ANO4: variants seen among roughly 807,000 people sequenced by gnomAD.
The protein encoded by ANO4 is anoctamin 4.
A neutral mutation model predicts 141.9 loss-of-function variants in ANO4; 69 were observed. The ratio of observed to expected loss-of-function variants is 0.49; its 90% CI spans 0.40 to 0.59. The LOEUF is 0.59. ANO4 is among the 20% of genes least tolerant of loss of function. The pLI is 0.00. For synonymous variants in ANO4, 350 were observed against 394.3 expected, an observed-to-expected ratio of 0.89 and a Z score of 1.33; for missense variants, 894 against 1,162.2, an observed-to-expected ratio of 0.77 and a Z score of 3.36.
intron 1 of ANO4, among the ~76,000 whole-genome samples, chr12:100,867,825 T>G (rs1345824936): frequency 6.6e-6 from 1 of 152,226 alleles, no homozygotes; most frequent in Admixed American, 6.5e-5. Context: ...GTGGCTTTGT[T>G]CTTAGTTTAT....
At chr12:100,953,775 C>T (rs1424754788) in intron 5 of ANO4, among the ~76,000 whole-genome samples, 3 of 152,184 alleles carry the variant, frequency 2.0e-5, no homozygotes, top group Non-Finnish European at 4.4e-5. Flanking sequence ...AAACCCAACT[C>T]TCTAAAGCAT....
In ANO4 at chr12:100,724,731, T is replaced by A. The variant is rs141451724; in HGVS notation, c.22+7184T>A. 5.5e-4 allele frequency among the ~76,000 whole-genome samples: 84 copies of A among 152,188 alleles called. No individual in the cohort carries two copies. The East Asian group carries it at 0.013, about 24-fold the overall frequency. On this transcript the variant is annotated intron_variant, in intron 1 of 29. Transcript: ENST00000644049. ...CTATATGTTTTTTGAATGGATGAAT[T>A]TCAGTCACAACAAAAAGAAAGTCCA...
intron 9 of ANO4, 24 bp downstream of exon 9, chr12:101,020,164 A>T: frequency 8.1e-6 from 12 of 1,489,460 alleles, no homozygotes; most frequent in Non-Finnish European, 1.1e-5. Flanking sequence ...TAGTATAACA[A>T]ACTACATTTG....
At chr12:100,941,557 C>G (rs1211588730) in intron 4 of ANO4, among the ~76,000 whole-genome samples, 1 of 152,048 alleles carries the variant, frequency 6.6e-6, no homozygotes, top group Non-Finnish European at 1.5e-5. Context: ...AATGAACTGT[C>G]TATAATTTAT....
chr12:100,836,123 A>G (rs1309910505), intron 1 of ANO4, among the ~76,000 whole-genome samples: 5 of 152,168 alleles, frequency 3.3e-5, no homozygotes, highest in African/African-American at 1.2e-4. Flanking sequence ...TAGAGTCAGT[A>G]GTCTTTGCAT....
At chr12:100,941,285 C>T (rs2042499798) in intron 4 of ANO4, among the ~76,000 whole-genome samples, 1 of 151,412 alleles carries the variant, frequency 6.6e-6, no homozygotes, top group Non-Finnish European at 1.5e-5. Flanking sequence ...AATCCCATAC[C>T]TCTACCCTAC....
intron 1 of ANO4, among the ~76,000 whole-genome samples, chr12:100,883,213 C>T (rs1173945645): frequency 6.6e-6 from 1 of 152,210 alleles, no homozygotes; most frequent in Non-Finnish European, 1.5e-5. Flanking sequence ...AGAGAGTTTA[C>T]TTCAGTAGCT....
intron 3 of ANO4, among the ~76,000 whole-genome samples, chr12:100,924,904 G>A (rs765216525): frequency 2.0e-5 from 3 of 152,144 alleles, no homozygotes; most frequent in East Asian, 1.9e-4. Context: ...TAGTAAAGAC[G>A]TGTGTATCTG....
chr12:100,829,113 A>G (rs1473423135), intron 1 of ANO4, among the ~76,000 whole-genome samples: 2 of 152,068 alleles, frequency 1.3e-5, no homozygotes, highest in Admixed American at 6.6e-5. Context: ...GGAAAAACAT[A>G]TATCTTGGTT....
At chr12:100,996,111 G>A (rs928559839) in intron 8 of ANO4, among the ~76,000 whole-genome samples, 7 of 152,062 alleles carry the variant, frequency 4.6e-5, no homozygotes, top group African/African-American at 7.3e-5. Flanking sequence ...AACATTTTAC[G>A]GCCATTAAAT....
At chr12:100,751,333 G>T (rs182459975) in intron 3 of ANO4, among the ~76,000 whole-genome samples, 1 of 152,054 alleles carries the variant, frequency 6.6e-6, no homozygotes, top group African/African-American at 2.4e-5. Flanking sequence ...GAAAATCTCT[G>T]CTGACCTAAG....
At chr12:100,893,959 G>A (rs1371967645) in intron 1 of ANO4, among the ~76,000 whole-genome samples, 1 of 152,144 alleles carries the variant, frequency 6.6e-6, no homozygotes, top group Non-Finnish European at 1.5e-5. Context: ...TTTAAGTAAC[G>A]CTGGTCAAAC....
Position 101,079,402 on chromosome 12 carries a change from C to A in ANO4, c.1395+127C>A, listed in dbSNP as rs574892726. ...TGTACTCATAAAGCATTTTCAATTG[C>A]CTTTTCAGAAAATTTCAAGCAGTAT... is the stretch of plus-strand genomic sequence containing the variant. On this transcript the variant is annotated intron_variant, in intron 15 of 27. Transcript: ENST00000392977. 2.6e-4 allele frequency: 198 copies of A among 748,232 alleles called. 1 individual carries two copies. Among genetic ancestry groups the A allele is most frequent in the Admixed American group, 4.3e-4 (14 of 32,824 alleles). The allele number at this position is 748,232 out of a possible 1,614,324, so 46.3% of individuals were successfully genotyped here. A position where few individuals can be genotyped will look rare whatever the true frequency, so the allele number is the denominator to read the frequency against.
At chr12:101,034,721 A>G (rs2047125234) in intron 9 of ANO4, among the ~76,000 whole-genome samples, 1 of 152,222 alleles carries the variant, frequency 6.6e-6, no homozygotes, top group South Asian at 2.1e-4. Flanking sequence ...AGAACACTCA[A>G]AACTCAGTGA....
intron 14 of ANO4, among the ~76,000 whole-genome samples, chr12:101,074,933 A>AG (rs1465564476): frequency 6.6e-6 from 1 of 152,194 alleles, no homozygotes; most frequent in Non-Finnish European, 1.5e-5. Context: ...CTGAAGGTAT[A>AG]AAGACAACTA....
chr12:100,901,754 C>G lies in ANO4; in HGVS notation c.-32C>G. The stretch of plus-strand genomic sequence containing the variant: ...CGTCGCCTGCCTGTGGTCAGGCATT[C>G]CTCACTCCCACCAGGCAGAAGGTCA... On this transcript the variant is annotated 5_prime_UTR_variant, in exon 2 of 28. Transcript: ENST00000392977. 2 of 1,608,438 alleles carry G rather than the reference C, an allele frequency of 1.2e-6. No homozygotes were observed. The highest frequency in any genetic ancestry group is 8.5e-7 in the Non-Finnish European group (1 of 1,174,912).
At chr12:101,079,326 A>C (rs1403769703) in intron 15 of ANO4, 51 bp downstream of exon 15, 22 of 1,443,960 alleles carry the variant, frequency 1.5e-5, no homozygotes, top group African/African-American at 3.2e-5. Context: ...ACCCAGAACC[A>C]CACGACCCCC....
intron 1 of ANO4, among the ~76,000 whole-genome samples, chr12:100,833,862 TTC>T (rs1458774151): frequency 6.6e-6 from 1 of 152,170 alleles, no homozygotes; most frequent in Non-Finnish European, 1.5e-5. Context: ...ACTTGCATTC[TTC>T]TCTGAGCCAA....
intron 1 of ANO4, among the ~76,000 whole-genome samples, chr12:100,814,243 T>G (rs2035602534): frequency 6.6e-6 from 1 of 152,216 alleles, no homozygotes; most frequent in African/African-American, 2.4e-5. Context: ...AATTTACATA[T>G]CATATAATTC....
Sources: gnomAD v4.1 joint callset for allele counts (sites outside exome capture counted in the v4.1 genomes callset) on GRCh38, gnomAD v4.1.1 for gene constraint, MANE v1.5 for transcripts, NCBI Gene and HGNC (gene_info 2026-07-23, HGNC 2026-07-21) for gene names.